Variants in PLBD1 observed in about 807,000 individuals in gnomAD.
PLBD1 encodes phospholipase B domain containing 1, also known as lysosomal leucine aminopeptidase.
In PLBD1, 60 loss-of-function variants were observed where a neutral mutation model predicts 63.0. The observed-to-expected ratio is 0.95, with a 90% CI of 0.77 to 1.18. The LOEUF (loss-of-function observed/expected upper bound fraction) is 1.18, where lower values mean the gene tolerates loss of function less well. PLBD1 is among the 50% of genes most tolerant of loss of function. PLBD1 has a pLI of 0.00. For missense variants in PLBD1, 598 were observed against 677.9 expected (o/e 0.88, Z 1.31); for synonymous variants, 262 against 248.0 (o/e 1.06, Z -0.53).
intron 8 of PLBD1, 91 bp downstream of exon 8, chr12:14,511,169 C>T: frequency 2.5e-6 from 3 of 1,223,910 alleles, no homozygotes; most frequent in South Asian, 1.5e-5. Flanking sequence ...TACCCTCCCC[C>T]ACCACACATT....
Position 14,567,743 on chromosome 12 carries a change from G to A in PLBD1, c.-47C>T, listed in dbSNP as rs1318513527. The A allele has an allele frequency of 7.2e-6, 10 of 1,383,062 alleles. No individual in the cohort carries two copies. In the Admixed American group the frequency reaches 3.1e-4, roughly 43 times the overall value. 85.7% of individuals were successfully genotyped at this position (1,383,062 alleles called of 1,614,324 possible). On this transcript the variant is annotated 5_prime_UTR_variant, in exon 1 of 11. Coordinates refer to ENST00000240617, the MANE Select transcript of PLBD1 (RefSeq NM_024829.6). The stretch of plus-strand genomic sequence containing the variant: ...CTCTGCGGGATCAGGCGGCCGCGGT[G>A]GCCCGCGGTGGCAGAAGTTGCAAGA...
At chr12:14,535,540 T>C in intron 6 of PLBD1, 119 bp downstream of exon 6, 1 of 1,084,968 alleles carries the variant, frequency 9.2e-7, no homozygotes, top group Admixed American at 2.6e-5. Context: ...ATCAGATTGT[T>C]TGTTAATATA....
chr12:14,551,257 G>A (rs1437098060), intron 2 of PLBD1, among the ~76,000 whole-genome samples: 1 of 151,808 alleles, frequency 6.6e-6, no homozygotes, highest in Non-Finnish European at 1.5e-5. Context: ...CAGCTACTAG[G>A]GAGGCTGAAG....
intron 1 of PLBD1, among the ~76,000 whole-genome samples, chr12:14,563,234 T>C (rs910954682): frequency 3.9e-5 from 6 of 152,104 alleles, no homozygotes; most frequent in Admixed American, 2.0e-4. Context: ...AATGTTCAAG[T>C]TGGGACTGGG....
intron 10 of PLBD1, 39 bp from the exon 11 acceptor site, chr12:14,503,993 C>T (rs371330075): frequency 2.8e-4 from 434 of 1,550,088 alleles, no homozygotes; most frequent in Middle Eastern, 5.2e-4. Context: ...AGAAAATCAT[C>T]GTTCAGCAAA....
At chr12:14,519,975 G>T (rs556281318) in intron 6 of PLBD1, among the ~76,000 whole-genome samples, 1 of 152,190 alleles carries the variant, frequency 6.6e-6, no homozygotes, top group South Asian at 2.1e-4. Flanking sequence ...ACCACAAGAA[G>T]AGCAGAGATC....
At chr12:14,506,038 C>A in intron 10 of PLBD1, 124 bp downstream of exon 10, 1 of 596,498 alleles carries the variant, frequency 1.7e-6, no homozygotes, top group South Asian at 2.7e-5. Context: ...TCTGAAAAAG[C>A]TGATTCCTGG....
At chr12:14,567,541 G>C in intron 1 of PLBD1, 41 bp downstream of exon 1, 1 of 1,460,254 alleles carries the variant, frequency 6.8e-7, no homozygotes, top group Non-Finnish European at 8.9e-7. Context: ...GCTCCTAGGA[G>C]CCTCCCCGGG....
At chr12:14,564,451 C>T (rs1183324561) in intron 1 of PLBD1, among the ~76,000 whole-genome samples, 2 of 152,210 alleles carry the variant, frequency 1.3e-5, no homozygotes, top group African/African-American at 4.8e-5. Context: ...AGTGGAGGGG[C>T]ACTCTCTCGG....
intron 6 of PLBD1, among the ~76,000 whole-genome samples, chr12:14,512,098 C>G (rs960766413): frequency 6.6e-6 from 1 of 151,512 alleles, no homozygotes; most frequent in African/African-American, 2.4e-5. Context: ...AATATAAATG[C>G]CTTTTTTTCT....
At chr12:14,521,302 C>T (rs2136911374) in intron 6 of PLBD1, among the ~76,000 whole-genome samples, 2 of 152,242 alleles carry the variant, frequency 1.3e-5, no homozygotes, top group African/African-American at 4.8e-5. Context: ...AGGAAGGCCA[C>T]ACCTTACCCT....
intron 1 of PLBD1, among the ~76,000 whole-genome samples, chr12:14,561,853 G>T (rs1945744355): frequency 1.3e-5 from 2 of 152,176 alleles, no homozygotes; most frequent in South Asian, 4.1e-4. Context: ...ACTGCACCTG[G>T]CCTGGATCCC....
At chr12:14,536,053 T>C (rs909314011) in intron 5 of PLBD1, 7 of 402,898 alleles carry the variant, frequency 1.7e-5, no homozygotes, top group Admixed American at 4.4e-5. Flanking sequence ...CCTAGCACTT[T>C]GGGAGGCCAA....
intron 4 of PLBD1, among the ~76,000 whole-genome samples, chr12:14,540,130 A>ATATATATATATG (rs1338211129): frequency 1.4e-5 from 2 of 138,970 alleles, no homozygotes; most frequent in Non-Finnish European, 3.1e-5. Flanking sequence ...ATATATATAT[A>ATATATATATATG]TACTGGCAAA....
chr12:14,519,450 TCC>T (rs1945360301), intron 6 of PLBD1, among the ~76,000 whole-genome samples: 2 of 151,674 alleles, frequency 1.3e-5, no homozygotes, highest in African/African-American at 2.4e-5. Context: ...AAACCCTGTC[TCC>T]ACTAAAAATA....
intron 1 of PLBD1, among the ~76,000 whole-genome samples, chr12:14,557,800 T>TA (rs1317661316): frequency 6.6e-6 from 1 of 151,996 alleles, no homozygotes; most frequent in Non-Finnish European, 1.5e-5. Context: ...ACCTATACAG[T>TA]AAACCCGCAC....
chr12:14,504,788 G>C (rs1238560325), intron 10 of PLBD1, among the ~76,000 whole-genome samples: 1 of 152,202 alleles, frequency 6.6e-6, no homozygotes, highest in Non-Finnish European at 1.5e-5. Context: ...CTTAATCTTA[G>C]AGGGGAAAGA....
At chr12:14,532,348 C>A (rs898593667) in intron 6 of PLBD1, among the ~76,000 whole-genome samples, 1 of 152,212 alleles carries the variant, frequency 6.6e-6, no homozygotes, top group Non-Finnish European at 1.5e-5. Flanking sequence ...TGGTACAGAG[C>A]TGCAGGGGTG....
intron 6 of PLBD1, among the ~76,000 whole-genome samples, chr12:14,521,921 A>G (rs1283657657): frequency 6.6e-6 from 1 of 152,154 alleles, no homozygotes; most frequent in Non-Finnish European, 1.5e-5. Flanking sequence ...GCAAATCATG[A>G]TATGAATAAA....
Sources: gnomAD v4.1 joint callset for allele counts (sites outside exome capture counted in the v4.1 genomes callset) on GRCh38, gnomAD v4.1.1 for gene constraint, MANE v1.5 for transcripts, NCBI Gene and HGNC (gene_info 2026-07-23, HGNC 2026-07-21) for gene names.